The following OXR1 variants were observed in gnomAD, a reference collection of about 807,000 sequenced individuals.
OXR1 encodes oxidation resistance 1, also known as oxidation resistance protein 1.
A neutral mutation model predicts 104.6 loss-of-function variants in OXR1; 41 were observed. That is an observed-to-expected ratio of 0.39 (90% CI 0.31 to 0.51). OXR1 has a LOEUF of 0.51. OXR1 is among the 20% of genes least tolerant of loss of function. The probability of loss-of-function intolerance (pLI) is 0.77; values close to 1 mark genes in which losing one functional copy is unlikely to be tolerated. For missense variants in OXR1, 955 were observed against 1,031.9 expected, an observed-to-expected ratio of 0.93 and a Z score of 1.02; for synonymous variants, 348 against 348.4, an observed-to-expected ratio of 1.00 and a Z score of 0.01.
chr8:106,371,888 G>T (rs1283474395), intron 2 of OXR1, among the ~76,000 whole-genome samples: 1 of 152,238 alleles, frequency 6.6e-6, no homozygotes, highest in Non-Finnish European at 1.5e-5. Flanking sequence ...CCTGGCTCCA[G>T]CAGGGGAAAA....
chr8:106,639,270 A>G (rs1272568300), intron 3 of OXR1, among the ~76,000 whole-genome samples: 1 of 152,144 alleles, frequency 6.6e-6, no homozygotes. Flanking sequence ...ATGTCACTCT[A>G]TTCTGATTTG....
intron 14 of OXR1, 62 bp from the exon 15 acceptor site, chr8:106,742,160 A>C: frequency 1.1e-6 from 1 of 928,956 alleles, no homozygotes; most frequent in Non-Finnish European, 1.8e-6. Context: ...TATATGATGA[A>C]ATAATGCTTA....
chr8:106,305,652 C>T (rs1231776500), intron 1 of OXR1, among the ~76,000 whole-genome samples: 2 of 152,094 alleles, frequency 1.3e-5, no homozygotes, highest in Non-Finnish European at 2.9e-5. Context: ...ACCCATTATC[C>T]TCTGCAGTGG....
intron 1 of OXR1, among the ~76,000 whole-genome samples, chr8:106,324,458 CT>C (rs1433042470): frequency 1.3e-5 from 2 of 151,580 alleles, no homozygotes; most frequent in African/African-American, 2.4e-5. Context: ...ACAACCCCCC[CT>C]ACACGTGTTT....
intron 2 of OXR1, among the ~76,000 whole-genome samples, chr8:106,503,774 C>T (rs764931855): frequency 1.3e-5 from 2 of 152,140 alleles, no homozygotes; most frequent in Non-Finnish European, 2.9e-5. Flanking sequence ...GAGAACTGGC[C>T]TGAAAGAGTC....
intron 2 of OXR1, among the ~76,000 whole-genome samples, chr8:106,427,443 A>C (rs914455039): frequency 6.6e-6 from 1 of 152,176 alleles, no homozygotes; most frequent in Non-Finnish European, 1.5e-5. Context: ...CTGGGATTAC[A>C]GGCATGAATT....
chr8:106,501,700 G>A (rs190361615), intron 2 of OXR1, among the ~76,000 whole-genome samples: 9 of 152,260 alleles, frequency 5.9e-5, no homozygotes, highest in African/African-American at 1.9e-4. Flanking sequence ...TAAATAGTTC[G>A]TGTTTTAATG....
chr8:106,439,158 A>AGGGG lies in OXR1; in HGVS notation c.23+79522_23+79523insGGGG, dbSNP rs201677198. Reference sequence around the variant, plus strand: ...TTCATGTGTTGAAACCTTAATCCCAAATGAAATGACATTTGGAGTTGGGGG... The same window carrying AGGGG: ...TTCATGTGTTGAAACCTTAATCCCAAGGGGATGAAATGACATTTGGAGTTGGGGG... On this transcript the variant is annotated intron_variant, in intron 2 of 16. Coordinates refer to ENST00000517566, the MANE Select transcript of OXR1 (RefSeq NM_001198533.2). Among the ~76,000 whole-genome samples the AGGGG allele has an allele frequency of 4.1e-3, 619 of 152,180 alleles. 15 individuals are homozygous for AGGGG. Among genetic ancestry groups the AGGGG allele is most frequent in the Admixed American group, 0.035 (534 of 15,264 alleles).
At chr8:106,316,957 G>A (rs1010421452) in intron 1 of OXR1, among the ~76,000 whole-genome samples, 4 of 151,920 alleles carry the variant, frequency 2.6e-5, no homozygotes, top group Admixed American at 6.6e-5. Flanking sequence ...TGAAACCCTC[G>A]CCTCCCGGGT....
At chr8:106,285,644 C>G (rs1812463592) in intron 1 of OXR1, among the ~76,000 whole-genome samples, 2 of 151,916 alleles carry the variant, frequency 1.3e-5, no homozygotes, top group South Asian at 4.2e-4. Flanking sequence ...ATCTAGTAAG[C>G]AGAAGACGTA....
At chr8:106,539,324 G>A (rs776550673) in intron 3 of OXR1, among the ~76,000 whole-genome samples, 17 of 152,070 alleles carry the variant, frequency 1.1e-4, no homozygotes, top group Non-Finnish European at 2.5e-4. Flanking sequence ...ATACATTACT[G>A]CCACTGAAGC....
intron 2 of OXR1, among the ~76,000 whole-genome samples, chr8:106,476,358 C>T (rs1821809776): frequency 6.6e-6 from 1 of 151,904 alleles, no homozygotes; most frequent in African/African-American, 2.4e-5. Flanking sequence ...TGAACCCAAT[C>T]AAGATAAAGG....
chr8:106,727,294 C>T (rs1215619447), intron 11 of OXR1, among the ~76,000 whole-genome samples: 1 of 151,964 alleles, frequency 6.6e-6, no homozygotes, highest in East Asian at 1.9e-4. Flanking sequence ...GACTTCAATA[C>T]AGTTTATTAC....
chr8:106,415,989 A>C (rs1043460930), intron 2 of OXR1, among the ~76,000 whole-genome samples: 7 of 152,134 alleles, frequency 4.6e-5, no homozygotes, highest in Non-Finnish European at 1.0e-4. Flanking sequence ...GAATATCCTA[A>C]GTATTTTGCC....
rs551079508 is a variant in OXR1, at chr8:106,295,605, T to C, written c.-139+25238T>C. Among the ~76,000 whole-genome samples the C allele has an allele frequency of 3.9e-5, 6 of 152,280 alleles. No homozygotes were observed. The East Asian group carries it at 1.2e-3, about 29-fold the overall frequency. On this transcript the variant is annotated intron_variant, in intron 1 of 16. Transcript: ENST00000517566. ...TCAGCTGGAGTTCAGAAGTGGTATT[T>C]GGCAAAACCTCTGAGAATCTAAAGA... is the stretch of plus-strand genomic sequence containing the variant.
At chr8:106,431,015 C>T (rs901227381) in intron 2 of OXR1, among the ~76,000 whole-genome samples, 3 of 152,124 alleles carry the variant, frequency 2.0e-5, no homozygotes, top group Admixed American at 6.5e-5. Context: ...GAGGCTGGAT[C>T]ATAAGAAGCC....
At chr8:106,274,153 CGTATT>C (rs1166145460) in intron 1 of OXR1, among the ~76,000 whole-genome samples, 1 of 152,096 alleles carries the variant, frequency 6.6e-6, no homozygotes, top group South Asian at 2.1e-4. Context: ...ATAATTTTCT[CGTATT>C]GTATTTAATT....
intron 2 of OXR1, among the ~76,000 whole-genome samples, chr8:106,513,451 G>C (rs779688137): frequency 1.3e-5 from 2 of 151,938 alleles, no homozygotes; most frequent in Non-Finnish European, 2.9e-5. Flanking sequence ...TCTATCTGAT[G>C]GGTTTAGTTG....
chr8:106,548,312 C>T (rs1815533724), intron 3 of OXR1, among the ~76,000 whole-genome samples: 1 of 152,272 alleles, frequency 6.6e-6, no homozygotes, highest in East Asian at 1.9e-4. Flanking sequence ...GACTACTTAA[C>T]ATCTTTCCTG....
Sources: gnomAD v4.1 joint callset for allele counts (sites outside exome capture counted in the v4.1 genomes callset) on GRCh38, gnomAD v4.1.1 for gene constraint, MANE v1.5 for transcripts, NCBI Gene and HGNC (gene_info 2026-07-23, HGNC 2026-07-21) for gene names.